SNAP47: variants seen among roughly 807,000 people sequenced by gnomAD.
SNAP47 encodes the protein synaptosome associated protein 47, also known as synaptosomal-associated protein 47.
SNAP47 carries 20 observed loss-of-function variants against 31.4 expected under a neutral mutation model. The ratio of observed to expected loss-of-function variants is 0.64; its 90% CI spans 0.45 to 0.93. SNAP47 has a LOEUF of 0.93. Among genes scored for constraint, SNAP47 ranks in the 40% least tolerant of loss-of-function variants. The probability of loss-of-function intolerance (pLI) is 0.00; values close to 1 mark genes in which losing one functional copy is unlikely to be tolerated. For missense variants in SNAP47, 492 were observed against 528.5 expected, an observed-to-expected ratio of 0.93 and a Z score of 0.68; for synonymous variants, 194 against 213.4, an observed-to-expected ratio of 0.91 and a Z score of 0.79.
chr1:227,773,289 T>TA (rs1162601665), intron 4 of SNAP47, among the ~76,000 whole-genome samples: 1 of 151,900 alleles, frequency 6.6e-6, no homozygotes, highest in Non-Finnish European at 1.5e-5. Context: ...GTTTCAAAAG[T>TA]AAAAAATAAA....
At chr1:227,776,142 G>A (rs907444155) in intron 4 of SNAP47, 107 of 1,163,684 alleles carry the variant, frequency 9.2e-5, no homozygotes, top group Non-Finnish European at 1.1e-4. Context: ...CGCCCTCAGC[G>A]GGTCCCACAA....
chr1:227,742,198 A>G (rs1237638539), intron 1 of SNAP47, among the ~76,000 whole-genome samples: 4 of 151,922 alleles, frequency 2.6e-5, no homozygotes, highest in African/African-American at 9.7e-5. Context: ...AGCCCACAAC[A>G]GTCCCCAGAG....
At chr1:227,778,390 A>T (rs1460782078) in intron 4 of SNAP47, among the ~76,000 whole-genome samples, 1 of 152,244 alleles carries the variant, frequency 6.6e-6, no homozygotes, top group Non-Finnish European at 1.5e-5. Context: ...CCGTCAGCTC[A>T]TGGGAGCCCT....
At chr1:227,734,458 A>C, upstream of SNAP47, 2 of 508,318 alleles carry the variant, frequency 3.9e-6, no homozygotes, top group Non-Finnish European at 3.4e-6. Flanking sequence ...AGGAAAAAAA[A>C]CCATATTGAC....
At chr1:227,775,966 ATCC>A (rs1664135869) in intron 4 of SNAP47, 2 of 1,282,902 alleles carry the variant, frequency 1.6e-6, no homozygotes, top group African/African-American at 1.5e-5. Flanking sequence ...CGCCCAGGGC[ATCC>A]TCCTCACGGA....
intron 4 of SNAP47, among the ~76,000 whole-genome samples, chr1:227,774,282 G>T (rs1664023243): frequency 6.6e-6 from 1 of 152,254 alleles, no homozygotes; most frequent in African/African-American, 2.4e-5. Context: ...TGACACGTTT[G>T]CTAGCCTTTA....
At chr1:227,729,696 C>T (rs1404197788) in intron 1 of SNAP47, among the ~76,000 whole-genome samples, 1 of 152,140 alleles carries the variant, frequency 6.6e-6, no homozygotes, top group African/African-American at 2.4e-5. Context: ...AGGCCACAGC[C>T]CCCAGGATGC....
upstream of SNAP47, chr1:227,734,450 GA>G (rs879711058): frequency 1.6e-5 from 7 of 449,440 alleles, no homozygotes; most frequent in African/African-American, 6.2e-5. Context: ...AAAAAAAAAG[GA>G]AAAAAAACCA....
At chr1:227,732,738 C>A, upstream of SNAP47, 3 of 1,596,120 alleles carry the variant, frequency 1.9e-6, no homozygotes, top group Non-Finnish European at 2.6e-6. Context: ...TGCAAAGGAC[C>A]CGACATGCGC....
At chr1:227,766,511 G>A (rs760190277) in intron 3 of SNAP47, among the ~76,000 whole-genome samples, 4 of 151,888 alleles carry the variant, frequency 2.6e-5, no homozygotes, top group African/African-American at 9.7e-5. Context: ...CTCCCACCTC[G>A]GTGGCGCAGA....
chr1:227,755,110 T>C (rs908344986), intron 2 of SNAP47, among the ~76,000 whole-genome samples: 2 of 152,196 alleles, frequency 1.3e-5, no homozygotes, highest in Non-Finnish European at 2.9e-5. Flanking sequence ...ATCTGTCATC[T>C]CTAAGTGCGG....
chr1:227,760,458 C>T (rs1662991272), intron 3 of SNAP47, among the ~76,000 whole-genome samples: 1 of 152,224 alleles, frequency 6.6e-6, no homozygotes, highest in South Asian at 2.1e-4. Context: ...GGCCATGGTA[C>T]CTTCCCGCAG....
intron 1 of SNAP47, among the ~76,000 whole-genome samples, chr1:227,740,352 G>A (rs904044379): frequency 2.6e-5 from 4 of 152,350 alleles, no homozygotes; most frequent in Admixed American, 2.0e-4. Context: ...GGGCAGAGAA[G>A]TGACATATTC....
At chr1:227,732,657 G>T, upstream of SNAP47, 1 of 1,612,988 alleles carries the variant, frequency 6.2e-7, no homozygotes, top group Non-Finnish European at 8.5e-7. Context: ...GTTGATGCCC[G>T]AGCAGGACCT....
chr1:227,771,988 C>A (rs553427932), intron 4 of SNAP47, among the ~76,000 whole-genome samples: 2 of 152,232 alleles, frequency 1.3e-5, no homozygotes, highest in East Asian at 3.9e-4. Flanking sequence ...ACCAGCTGAA[C>A]AGGTCAAGCA....
chr1:227,748,317 C>G, intron 2 of SNAP47, 84 bp downstream of exon 2: 2 of 1,393,348 alleles, frequency 1.4e-6, no homozygotes, highest in Non-Finnish European at 1.9e-6. Context: ...TTCCAGGCCA[C>G]TGCACCATAT....
chr1:227,760,575 C>T (rs924386409), intron 3 of SNAP47, among the ~76,000 whole-genome samples: 4 of 152,216 alleles, frequency 2.6e-5, no homozygotes, highest in Admixed American at 6.5e-5. Flanking sequence ...TACCTCCTCC[C>T]TAGCACAGGA....
In SNAP47 at chr1:227,741,876, T is replaced by C. The variant is rs1661627809; in HGVS notation, c.-45-5816T>C. On this transcript the variant is annotated intron_variant, in intron 1 of 4. Coordinates refer to ENST00000617596, the MANE Select transcript of SNAP47 (RefSeq NM_053052.4). The surrounding 1 kb of genome is among the most constrained non-coding windows in gnomAD (Gnocchi z 4.2). Reference sequence around the variant, plus strand: ...CTGGAAACCTGCAGTTGGAAAAGGGTGGCTACAAGTTTCTCTTCTTGCTTC... The same window carrying C: ...CTGGAAACCTGCAGTTGGAAAAGGGCGGCTACAAGTTTCTCTTCTTGCTTC... Among the ~76,000 whole-genome samples, 1 of 151,126 alleles carries C rather than the reference T, an allele frequency of 6.6e-6. No homozygotes were observed. The highest frequency in any genetic ancestry group is 6.6e-5 in the Admixed American group (1 of 15,136).
chr1:227,738,747 T>G (rs932009390), intron 1 of SNAP47, among the ~76,000 whole-genome samples: 2 of 152,188 alleles, frequency 1.3e-5, no homozygotes, highest in African/African-American at 4.8e-5. Flanking sequence ...TGTTTATAAT[T>G]GTCTCAAGAT....
Sources: allele counts gnomAD v4.1 joint callset (sites outside exome capture counted in the v4.1 genomes callset), GRCh38; gene constraint gnomAD v4.1.1; non-coding constraint Gnocchi (gnomAD v3.1); transcripts MANE v1.5; gene names NCBI Gene and HGNC (gene_info 2026-07-23, HGNC 2026-07-21).